ADGRA3: variants seen among roughly 807,000 people sequenced by gnomAD.
The protein encoded by ADGRA3 is G-protein coupled receptor 125.
A neutral mutation model predicts 119.8 loss-of-function variants in ADGRA3; 56 were observed. The observed-to-expected ratio is 0.47, with a 90% CI of 0.38 to 0.58. ADGRA3 has a LOEUF of 0.58. ADGRA3 is among the 20% of genes least tolerant of loss of function. The probability of loss-of-function intolerance (pLI) is 0.00; values close to 1 mark genes in which losing one functional copy is unlikely to be tolerated. For synonymous variants in ADGRA3, 607 were observed against 623.8 expected (o/e 0.97, Z 0.40); for missense variants, 1,516 against 1,649.0 (o/e 0.92, Z 1.40).
chr4:22,460,381 G>A (rs992980161), intron 3 of ADGRA3, among the ~76,000 whole-genome samples: 3 of 152,170 alleles, frequency 2.0e-5, no homozygotes, highest in African/African-American at 7.2e-5. Flanking sequence ...ACTAAAAGCA[G>A]GACATAAATT....
Position 22,498,016 on chromosome 4 carries a change from G to A in ADGRA3, c.257+17512C>T, listed in dbSNP as rs552551315. On this transcript the variant is annotated intron_variant, in intron 1 of 18. Transcript: ENST00000334304. ...AACCCTTTGGCAGGCCGAGGCAAGC[G>A]GATCATCTGGGGTCGGGAGTTCAAG... Among the ~76,000 whole-genome samples, 6 of 150,368 alleles carry A rather than the reference G, an allele frequency of 4.0e-5. 1 individual carries two copies. The highest frequency in any genetic ancestry group is 3.3e-4 in the Admixed American group (5 of 15,032).
chr4:22,405,581 G>T (rs996619001), intron 14 of ADGRA3, among the ~76,000 whole-genome samples: 7 of 150,536 alleles, frequency 4.7e-5, no homozygotes, highest in African/African-American at 1.7e-4. Flanking sequence ...AAAATTAAAA[G>T]GAAACTGCTA....
intron 3 of ADGRA3, 146 bp from the exon 4 acceptor site, chr4:22,455,083 T>C: frequency 1.6e-6 from 1 of 633,644 alleles, no homozygotes; most frequent in Admixed American, 2.5e-5. Flanking sequence ...GCAAATGAGA[T>C]AAGGATAGCA....
intron 16 of ADGRA3, chr4:22,394,469 G>A (rs1714271911): frequency 6.6e-6 from 1 of 152,176 alleles, no homozygotes; most frequent in South Asian, 2.1e-4. Flanking sequence ...TTTATAGACA[G>A]AAGTGGAACA....
intron 12 of ADGRA3, chr4:22,420,396 C>T (rs1177819243): frequency 6.4e-6 from 1 of 156,368 alleles, no homozygotes; most frequent in Admixed American, 6.5e-5. Context: ...AGATATATGA[C>T]ATATTTGTGT....
Position 22,389,149 on chromosome 4 carries a change from CAAT to C in ADGRA3, c.2659_2661del (p.Ile887del). 1 of 1,613,916 alleles carries C rather than the reference CAAT, an allele frequency of 6.2e-7. No homozygotes were observed. The highest frequency in any genetic ancestry group is 8.5e-7 in the Non-Finnish European group (1 of 1,179,866). On this transcript the variant is annotated inframe_deletion, in exon 18 of 19. Coordinates refer to ENST00000334304, the MANE Select transcript of ADGRA3 (RefSeq NM_145290.4). ...TTCGCTGCTGCAGTTATGCCGCAAA[CAAT>C]GATGGGGATACCACCACCAATCAGG...
At chr4:22,421,881 C>CCAAAAAAAAAAAAAAAAAAA (rs767609157) in intron 11 of ADGRA3, among the ~76,000 whole-genome samples, 3 of 70,442 alleles carry the variant, frequency 4.3e-5, no homozygotes, top group African/African-American at 1.9e-4. Flanking sequence ...ACTCAGTCTC[C>CCAAAAAAAAAAAAAAAAAAA]AAAAAAAAAA....
At chr4:22,510,025 A>AAG (rs1346369814) in intron 1 of ADGRA3, among the ~76,000 whole-genome samples, 10 of 151,450 alleles carry the variant, frequency 6.6e-5, no homozygotes, top group African/African-American at 2.4e-4. Flanking sequence ...AAAAAAAAAA[A>AAG]AAAGAAATGA....
chr4:22,397,815 G>A (rs960923965), intron 16 of ADGRA3, among the ~76,000 whole-genome samples: 1 of 152,148 alleles, frequency 6.6e-6, no homozygotes, highest in African/African-American at 2.4e-5. Context: ...CACCATGATT[G>A]TGAGGTCTCC....
At chr4:22,435,102 A>G (rs561440794) in intron 10 of ADGRA3, among the ~76,000 whole-genome samples, 1 of 152,340 alleles carries the variant, frequency 6.6e-6, no homozygotes, top group Non-Finnish European at 1.5e-5. Context: ...TTAACGTCCA[A>G]GAACTGAGAG....
intron 3 of ADGRA3, among the ~76,000 whole-genome samples, chr4:22,460,615 A>G (rs1717408926): frequency 6.6e-6 from 1 of 152,182 alleles, no homozygotes; most frequent in Admixed American, 6.5e-5. Context: ...TCACTTCTCT[A>G]AAAATGTATT....
In ADGRA3 at chr4:22,387,993, G is replaced by A. The variant is rs772278015; in HGVS notation, c.3678C>T (p.Ala1226=). The change falls in exon 19 of 19, where the codon GCC becomes GCT. Residue 1226 remains alanine, a synonymous_variant. Transcript: ENST00000334304. The part of the protein sequence containing the change: ...GHSRSRRAYL[A]YRERQYNPPQ... ...GTGGGTTGTACTGTCTCTCTCTGTA[G>A]GCTAAATAAGCTCTTCGGCTCCTCG... The A allele has an allele frequency of 2.5e-6, 4 of 1,614,056 alleles. No individual in the cohort carries two copies. The highest frequency in any genetic ancestry group is 1.7e-5 in the Admixed American group (1 of 60,004).
At chr4:22,393,951 A>G (rs989139444) in intron 16 of ADGRA3, 1 of 152,198 alleles carries the variant, frequency 6.6e-6, no homozygotes, top group African/African-American at 2.4e-5. Flanking sequence ...TGACCTATAC[A>G]TGAAGCAACT....
At chr4:22,499,829 AGTT>A (rs1718986547) in intron 1 of ADGRA3, among the ~76,000 whole-genome samples, 1 of 152,184 alleles carries the variant, frequency 6.6e-6, no homozygotes, top group African/African-American at 2.4e-5. Flanking sequence ...TTCCTTCAAC[AGTT>A]GTTAGTTACT....
At chr4:22,453,851 T>C (rs1677098987) in intron 4 of ADGRA3, among the ~76,000 whole-genome samples, 1 of 149,672 alleles carries the variant, frequency 6.7e-6, no homozygotes, top group Non-Finnish European at 1.5e-5. Flanking sequence ...TCTTTATTAC[T>C]TTTTTTTTTA....
At chr4:22,399,675 A>C (rs1245009773) in intron 16 of ADGRA3, among the ~76,000 whole-genome samples, 1 of 151,856 alleles carries the variant, frequency 6.6e-6, no homozygotes, top group Non-Finnish European at 1.5e-5. Flanking sequence ...ATTCTATCCC[A>C]TTGGCCAATT....
At chr4:22,421,171 A>T in intron 11 of ADGRA3, 82 bp from the exon 12 acceptor site, 1 of 1,159,760 alleles carries the variant, frequency 8.6e-7, no homozygotes, top group Non-Finnish European at 1.3e-6. Flanking sequence ...CAAACACAAA[A>T]CACTATGCAT....
chr4:22,438,005 A>G (rs1716462890), intron 8 of ADGRA3, among the ~76,000 whole-genome samples: 1 of 152,226 alleles, frequency 6.6e-6, no homozygotes, highest in South Asian at 2.1e-4. Flanking sequence ...TGGCTCTTAC[A>G]CAACAAAACC....
At chr4:22,497,356 T>TAAA (rs112332021) in intron 1 of ADGRA3, among the ~76,000 whole-genome samples, 6 of 145,666 alleles carry the variant, frequency 4.1e-5, no homozygotes, top group African/African-American at 1.5e-4. Context: ...ATCTTCACTA[T>TAAA]AAAAAAAAAA....
Sources: gnomAD v4.1 joint callset for allele counts (sites outside exome capture counted in the v4.1 genomes callset) on GRCh38, gnomAD v4.1.1 for gene constraint, MANE v1.5 for transcripts, NCBI Gene and HGNC (gene_info 2026-07-23, HGNC 2026-07-21) for gene names.